LSAMP: variants seen among roughly 807,000 people sequenced by gnomAD.
LSAMP encodes limbic system-associated membrane protein.
In LSAMP, 7 loss-of-function variants were observed where a neutral mutation model predicts 38.6. The observed-to-expected ratio is 0.18, with a 90% CI of 0.10 to 0.34. The LOEUF (loss-of-function observed/expected upper bound fraction) is 0.34, where lower values mean the gene tolerates loss of function less well. Among genes scored for constraint, LSAMP ranks in the 10% least tolerant of loss-of-function variants. LSAMP has a pLI of 1.00. For synonymous variants in LSAMP, 154 were observed against 166.8 expected (o/e 0.92, Z 0.59); for missense variants, 313 against 420.0 (o/e 0.75, Z 2.23).
chr3:116,095,881 T>C (rs560167019), intron 1 of LSAMP, among the ~76,000 whole-genome samples: 1 of 152,300 alleles, frequency 6.6e-6, no homozygotes, highest in African/African-American at 2.4e-5. Flanking sequence ...AGTAGTTTAG[T>C]AGCTTTAGGC....
chr3:116,193,944 ACTT>A (rs10526562), intron 1 of LSAMP, among the ~76,000 whole-genome samples: 75,639 of 151,684 alleles, frequency 0.5, 21,308 homozygotes, highest in East Asian at 0.74. Context: ...TCACACATCC[ACTT>A]CTTTAGTTGT....
chr3:115,870,084 G>T (rs1228645166), intron 3 of LSAMP, among the ~76,000 whole-genome samples: 1 of 151,960 alleles, frequency 6.6e-6, no homozygotes, highest in Non-Finnish European at 1.5e-5. Flanking sequence ...TTAAATTTCA[G>T]TATTTATAAA....
chr3:116,074,336 T>C (rs1036271448), intron 2 of LSAMP, among the ~76,000 whole-genome samples: 166 of 152,312 alleles, frequency 1.1e-3, no homozygotes, highest in African/African-American at 3.9e-3. Flanking sequence ...GCAGCCACTA[T>C]AATGTTCATT....
At chr3:116,262,689 C>T (rs899942577) in intron 1 of LSAMP, among the ~76,000 whole-genome samples, 2 of 152,030 alleles carry the variant, frequency 1.3e-5, no homozygotes, top group African/African-American at 4.8e-5. Flanking sequence ...GAAAAGAATG[C>T]AATAAATTTC....
At chr3:115,936,561 G>C in intron 3 of LSAMP, among the ~76,000 whole-genome samples, 1 of 152,030 alleles carries the variant, frequency 6.6e-6, no homozygotes, top group East Asian at 1.9e-4. Context: ...GACCTTTCAG[G>C]GAGGTGACAA....
intron 1 of LSAMP, among the ~76,000 whole-genome samples, chr3:116,375,682 A>C (rs527463588): frequency 6.6e-6 from 1 of 151,944 alleles, no homozygotes; most frequent in Non-Finnish European, 1.5e-5. Context: ...TATCTATAAG[A>C]TATTGTATTA....
intron 1 of LSAMP, among the ~76,000 whole-genome samples, chr3:116,254,689 C>T (rs2046727978): frequency 6.6e-6 from 1 of 152,174 alleles, no homozygotes; most frequent in Non-Finnish European, 1.5e-5. Flanking sequence ...TGGCTTGATC[C>T]AAGCCTCTGA....
intron 1 of LSAMP, among the ~76,000 whole-genome samples, chr3:116,427,261 C>T (rs1458088420): frequency 6.6e-6 from 1 of 151,332 alleles, no homozygotes; most frequent in Non-Finnish European, 1.5e-5. Flanking sequence ...GCTGGGACTA[C>T]AGGCGCCCAC....
At chr3:116,033,506 T>C (rs1237682009) in intron 2 of LSAMP, among the ~76,000 whole-genome samples, 1 of 152,166 alleles carries the variant, frequency 6.6e-6, no homozygotes, top group Admixed American at 6.5e-5. Flanking sequence ...ACGCTGCCTA[T>C]AGAAATCTCC....
At chr3:116,019,754 T>A in intron 2 of LSAMP, 114 bp from the exon 3 acceptor site, 1 of 1,187,724 alleles carries the variant, frequency 8.4e-7, no homozygotes, top group Non-Finnish European at 1.2e-6. Context: ...AATTTCTGTG[T>A]TAAGAAGTAG....
intron 1 of LSAMP, among the ~76,000 whole-genome samples, chr3:116,201,611 G>T (rs181630080): frequency 6.6e-6 from 1 of 152,160 alleles, no homozygotes; most frequent in East Asian, 1.9e-4. Context: ...CAGACACCCT[G>T]CATTACTTCT....
At chr3:116,082,045 A>G (rs1038839562) in intron 2 of LSAMP, among the ~76,000 whole-genome samples, 4 of 152,202 alleles carry the variant, frequency 2.6e-5, no homozygotes, top group African/African-American at 9.6e-5. Flanking sequence ...GGTGAATGGG[A>G]TATTTAAAAA....
intron 3 of LSAMP, among the ~76,000 whole-genome samples, chr3:115,892,369 TA>T (rs1215229122): frequency 6.6e-6 from 1 of 151,994 alleles, no homozygotes; most frequent in Non-Finnish European, 1.5e-5. Flanking sequence ...AATAGTAGAA[TA>T]GACTCTAAAC....
chr3:116,046,301 C>G (rs903824941), intron 2 of LSAMP, among the ~76,000 whole-genome samples: 1 of 151,996 alleles, frequency 6.6e-6, no homozygotes, highest in Non-Finnish European at 1.5e-5. Context: ...GTGGTCCAAT[C>G]AGAACCCATT....
intron 3 of LSAMP, among the ~76,000 whole-genome samples, chr3:116,013,946 C>A (rs567770759): frequency 6.6e-6 from 1 of 152,076 alleles, no homozygotes; most frequent in Non-Finnish European, 1.5e-5. Context: ...GAGGTTTCAG[C>A]GTAATACTTC....
At chr3:116,170,705 C>A (rs989659984) in intron 1 of LSAMP, among the ~76,000 whole-genome samples, 5 of 152,132 alleles carry the variant, frequency 3.3e-5, no homozygotes, top group Non-Finnish European at 5.9e-5. Context: ...ATGTGAGAAG[C>A]AGTGAAATTA....
At chr3:115,869,268 G>C (rs1314801840) in intron 3 of LSAMP, among the ~76,000 whole-genome samples, 1 of 143,828 alleles carries the variant, frequency 7.0e-6, no homozygotes, top group African/African-American at 2.5e-5. Flanking sequence ...ATCTTGGAGG[G>C]GGAGAGAGAG....
intron 1 of LSAMP, among the ~76,000 whole-genome samples, chr3:116,199,483 T>G (rs2045961461): frequency 1.3e-5 from 2 of 152,232 alleles, no homozygotes; most frequent in African/African-American, 4.8e-5. Context: ...GGACTGTGTC[T>G]TATTCAATTT....
intron 1 of LSAMP, among the ~76,000 whole-genome samples, chr3:116,443,359 T>C (rs1324191195): frequency 1.3e-5 from 2 of 152,312 alleles, no homozygotes; most frequent in East Asian, 3.9e-4. Context: ...CTTTGGATAG[T>C]AGGATCTTTG....
Sources: gnomAD v4.1 joint callset for allele counts (sites outside exome capture counted in the v4.1 genomes callset) on GRCh38, gnomAD v4.1.1 for gene constraint, MANE v1.5 for transcripts, NCBI Gene and HGNC (gene_info 2026-07-23, HGNC 2026-07-21) for gene names.